The following WASF3 variants were observed in gnomAD, a reference collection of about 807,000 sequenced individuals.
WASF3 encodes actin-binding protein WASF3.
A neutral mutation model predicts 46.6 loss-of-function variants in WASF3; 11 were observed. The observed-to-expected ratio is 0.24, with a 90% CI of 0.15 to 0.39. The LOEUF is 0.39. Among genes scored for constraint, WASF3 ranks in the 10% least tolerant of loss-of-function variants. The pLI is 1.00. For synonymous variants in WASF3, 242 were observed against 259.7 expected (o/e 0.93, Z 0.65); for missense variants, 576 against 669.8 (o/e 0.86, Z 1.55).
At chr13:26,608,337 C>T (rs182599562) in intron 1 of WASF3, among the ~76,000 whole-genome samples, 21 of 152,236 alleles carry the variant, frequency 1.4e-4, no homozygotes, top group Middle Eastern at 3.4e-3. Context: ...GTACTCAAAA[C>T]TCAGAGAATT....
the WASF3 span, among the ~76,000 whole-genome samples, chr13:26,544,204 T>A: frequency 6.6e-6 from 1 of 152,064 alleles, no homozygotes; most frequent in Non-Finnish European, 1.5e-5. Context: ...ATATTAAGAG[T>A]GGATACAACC....
At chr13:26,600,507 T>G (rs1449768342) in intron 1 of WASF3, among the ~76,000 whole-genome samples, 1 of 152,186 alleles carries the variant, frequency 6.6e-6, no homozygotes, top group Admixed American at 6.5e-5. Context: ...GCTTCTCATT[T>G]TTTCCTTTCT....
At chr13:26,656,040 G>T (rs898316513) in intron 3 of WASF3, among the ~76,000 whole-genome samples, 4 of 152,110 alleles carry the variant, frequency 2.6e-5, no homozygotes, top group African/African-American at 9.7e-5. Flanking sequence ...AGGTTCCAGT[G>T]TGTGTGCTAA....
intron 1 of WASF3, among the ~76,000 whole-genome samples, chr13:26,584,063 A>G (rs978850288): frequency 6.6e-6 from 1 of 152,194 alleles, no homozygotes; most frequent in African/African-American, 2.4e-5. Context: ...TGGAGGGGAA[A>G]AAGATACGCA....
chr13:26,685,647 A>G lies in WASF3; in HGVS notation c.1352-41A>G, dbSNP rs758935540. The G allele has an allele frequency of 6.9e-6, 11 of 1,596,722 alleles. No individual in the cohort carries two copies. The South Asian group carries it at 1.2e-4, about 18-fold the overall frequency. On this transcript the variant is annotated intron_variant, in intron 9 of 9. Coordinates refer to ENST00000335327, the MANE Select transcript of WASF3 (RefSeq NM_006646.6). ...GTTCGTTTATCTTTAATTTGGAGCCAGCAAAAGGATGTGATTCTGAACCAC... is the reference window on the plus strand; with the variant it reads ...GTTCGTTTATCTTTAATTTGGAGCCGGCAAAAGGATGTGATTCTGAACCAC...
intron 7 of WASF3, among the ~76,000 whole-genome samples, chr13:26,678,470 GT>G (rs1555255873): frequency 6.6e-6 from 1 of 151,868 alleles, no homozygotes; most frequent in Non-Finnish European, 1.5e-5. Flanking sequence ...GTCATGCCAT[GT>G]TTTCTTTCTT....
chr13:26,588,630 G>C (rs474535), intron 1 of WASF3, among the ~76,000 whole-genome samples: 92,471 of 151,904 alleles, frequency 0.61, 28,662 homozygotes, highest in African/African-American at 0.73. Context: ...CTTGTCGAAC[G>C]TTTTGTAGTT....
At chr13:26,641,257 A>G (rs1002999021) in intron 2 of WASF3, 4 of 152,152 alleles carry the variant, frequency 2.6e-5, no homozygotes, top group Non-Finnish European at 5.9e-5. Flanking sequence ...TCTCCCCTCA[A>G]TTCCCGTTTC....
intron 1 of WASF3, among the ~76,000 whole-genome samples, chr13:26,576,679 T>C (rs1879806336): frequency 6.6e-6 from 1 of 152,242 alleles, no homozygotes; most frequent in African/African-American, 2.4e-5. Context: ...GAAGATCATA[T>C]TCATTTTTCA....
intron 4 of WASF3, among the ~76,000 whole-genome samples, chr13:26,666,243 A>G (rs537075835): frequency 1.2e-4 from 18 of 152,222 alleles, no homozygotes; most frequent in African/African-American, 3.9e-4. Flanking sequence ...TTTTAAACCA[A>G]TCATTCACGT....
At chr13:26,543,350 T>G in the WASF3 span, among the ~76,000 whole-genome samples, 1 of 152,228 alleles carries the variant, frequency 6.6e-6, no homozygotes, top group Non-Finnish European at 1.5e-5. Flanking sequence ...TGGGTCAGCA[T>G]GTGCAAAGTC....
At chr13:26,585,299 T>C (rs1177822870) in intron 1 of WASF3, among the ~76,000 whole-genome samples, 1 of 152,192 alleles carries the variant, frequency 6.6e-6, no homozygotes, top group Non-Finnish European at 1.5e-5. Context: ...TTAATTATCT[T>C]GTGGATGGAG....
intron 4 of WASF3, among the ~76,000 whole-genome samples, chr13:26,666,281 A>G (rs1344562141): frequency 6.6e-6 from 1 of 152,280 alleles, no homozygotes; most frequent in East Asian, 1.9e-4. Context: ...TCTTTCTTCA[A>G]CTTTTTGTTG....
intron 2 of WASF3, chr13:26,638,084 T>C (rs1881884813): frequency 6.6e-6 from 1 of 152,252 alleles, no homozygotes; most frequent in Non-Finnish European, 1.5e-5. Context: ...TAGTCTGCCA[T>C]GAGGTCTAAG....
chr13:26,653,437 A>T (rs1353121286), intron 3 of WASF3, among the ~76,000 whole-genome samples: 1 of 152,176 alleles, frequency 6.6e-6, no homozygotes, highest in Non-Finnish European at 1.5e-5. Flanking sequence ...TGTTGTCCCC[A>T]TTGAGATTTC....
intron 1 of WASF3, among the ~76,000 whole-genome samples, chr13:26,581,222 A>G (rs6491138): frequency 0.021 from 3,135 of 152,128 alleles, 112 homozygotes; most frequent in African/African-American, 0.072. Context: ...GTGAGCCACT[A>G]TACCTGGTCA....
intron 3 of WASF3, among the ~76,000 whole-genome samples, chr13:26,655,386 T>C (rs1450390294): frequency 6.6e-6 from 1 of 152,196 alleles, no homozygotes; most frequent in Admixed American, 6.5e-5. Context: ...CCCCTGTGCG[T>C]TTCATTAGGA....
intron 3 of WASF3, among the ~76,000 whole-genome samples, chr13:26,662,835 G>T (rs545879176): frequency 6.3e-4 from 95 of 151,988 alleles, no homozygotes; most frequent in Admixed American, 1.2e-3. Context: ...GGGGAAAAAA[G>T]AAATGAAGTG....
the WASF3 span, among the ~76,000 whole-genome samples, chr13:26,547,694 T>C: frequency 1.3e-5 from 2 of 152,196 alleles, no homozygotes; most frequent in Non-Finnish European, 2.9e-5. Context: ...TCTAGAATAG[T>C]GTATATTTGA....
Sources: gnomAD v4.1 joint callset for allele counts (sites outside exome capture counted in the v4.1 genomes callset) on GRCh38, gnomAD v4.1.1 for gene constraint, MANE v1.5 for transcripts, NCBI Gene and HGNC (gene_info 2026-07-23, HGNC 2026-07-21) for gene names.